SNX9: variants seen among roughly 807,000 people sequenced by gnomAD.
The protein encoded by SNX9 is sorting nexin 9, also known as sorting nexin-9.
Under a neutral mutation model 89.4 loss-of-function variants are expected in SNX9, and 44 were observed. The ratio of observed to expected loss-of-function variants is 0.49; its 90% CI spans 0.39 to 0.63. SNX9 has a LOEUF of 0.63. Ranked by LOEUF, SNX9 falls within the 30% of genes least tolerant of loss-of-function variation. The pLI is 0.00. For missense variants in SNX9, 578 were observed against 736.1 expected (o/e 0.79, Z 2.49); for synonymous variants, 236 against 247.8 (o/e 0.95, Z 0.45).
At chr6:157,849,482 A>G (rs1318233447) in intron 1 of SNX9, among the ~76,000 whole-genome samples, 1 of 152,236 alleles carries the variant, frequency 6.6e-6, no homozygotes, top group Non-Finnish European at 1.5e-5. Flanking sequence ...CTTAGTGTGC[A>G]TGTTCAAAAG....
chr6:157,852,045 C>T (rs1269062943), intron 1 of SNX9, among the ~76,000 whole-genome samples: 1 of 152,144 alleles, frequency 6.6e-6, no homozygotes, highest in African/African-American at 2.4e-5. Flanking sequence ...TGAGTTGCTG[C>T]CACCTTTTGG....
At chr6:157,933,704 C>T (rs1023546072) in intron 13 of SNX9, among the ~76,000 whole-genome samples, 15 of 152,144 alleles carry the variant, frequency 9.9e-5, no homozygotes, top group African/African-American at 3.6e-4. Flanking sequence ...GCCCTTTTAG[C>T]ATGGTGGCTC....
In SNX9 at chr6:157,858,249, T is replaced by G. The variant is rs566983049; in HGVS notation, c.13-9298T>G. Among the ~76,000 whole-genome samples the G allele has an allele frequency of 5.3e-3, 779 of 147,038 alleles. 8 individuals carry two copies. Among genetic ancestry groups the G allele is most frequent in the African/African-American group, 0.02 (749 of 37,728 alleles). The stretch of plus-strand genomic sequence containing the variant: ...CGGAGTCTTTTTTCTTTTTCTTTTT[T>G]CTTTTTTTTTTTTTGAGATGGAGTT... On this transcript the variant is annotated intron_variant, in intron 1 of 17. Coordinates refer to ENST00000392185, the MANE Select transcript of SNX9 (RefSeq NM_016224.5).
intron 1 of SNX9, among the ~76,000 whole-genome samples, chr6:157,837,670 C>T (rs1781612649): frequency 2.0e-5 from 3 of 152,166 alleles, no homozygotes; most frequent in Admixed American, 6.5e-5. Flanking sequence ...GTAAATCTAC[C>T]TCTGAATAAT....
chr6:157,932,399 T>C, intron 13 of SNX9, 127 bp downstream of exon 13: 1 of 791,824 alleles, frequency 1.3e-6, no homozygotes. Flanking sequence ...GTAAATTGGC[T>C]AGGCTGCCGC....
intron 1 of SNX9, among the ~76,000 whole-genome samples, chr6:157,859,280 T>C (rs1208266351): frequency 1.3e-5 from 2 of 152,256 alleles, no homozygotes; most frequent in African/African-American, 4.8e-5. Flanking sequence ...TAATTTCTTG[T>C]TTTATTTAAT....
intron 4 of SNX9, among the ~76,000 whole-genome samples, chr6:157,880,137 T>A (rs569830909): frequency 9.2e-5 from 14 of 152,264 alleles, no homozygotes; most frequent in African/African-American, 3.1e-4. Context: ...GTGGGAAGCA[T>A]GTAAGCTTTG....
At chr6:157,932,792 G>A (rs1311525005) in intron 13 of SNX9, among the ~76,000 whole-genome samples, 2 of 149,088 alleles carry the variant, frequency 1.3e-5, no homozygotes, top group African/African-American at 2.5e-5. Flanking sequence ...ACTTAAGCCC[G>A]GGAGGCAGAG....
chr6:157,878,742 A>G (rs1782567590), intron 4 of SNX9, among the ~76,000 whole-genome samples: 1 of 152,190 alleles, frequency 6.6e-6, no homozygotes, highest in Admixed American at 6.5e-5. Flanking sequence ...CACAAAGTCT[A>G]GTGGCCATTA....
chr6:157,899,225 C>T (rs915020210), intron 5 of SNX9, among the ~76,000 whole-genome samples: 4 of 152,176 alleles, frequency 2.6e-5, no homozygotes, highest in African/African-American at 7.2e-5. Context: ...CTTTTTCTCC[C>T]ACACCCCAAC....
At chr6:157,885,734 C>A (rs1441341940) in intron 4 of SNX9, among the ~76,000 whole-genome samples, 1 of 152,094 alleles carries the variant, frequency 6.6e-6, no homozygotes, top group African/African-American at 2.4e-5. Context: ...GCCTACAGGG[C>A]CCCATCCCAA....
At chr6:157,830,449 T>G (rs770245707) in intron 1 of SNX9, 1 of 152,274 alleles carries the variant, frequency 6.6e-6, no homozygotes, top group Non-Finnish European at 1.5e-5. Context: ...GTGTGACTCC[T>G]CACTGGCTGT....
intron 7 of SNX9, 44 bp from the exon 8 acceptor site, chr6:157,909,621 T>C: frequency 6.2e-7 from 1 of 1,608,608 alleles, no homozygotes; most frequent in Non-Finnish European, 8.5e-7. Context: ...TATTTATTAT[T>C]TTTCCATGTA....
intron 1 of SNX9, among the ~76,000 whole-genome samples, chr6:157,830,783 G>A (rs1029050077): frequency 1.3e-5 from 2 of 152,142 alleles, no homozygotes; most frequent in African/African-American, 4.8e-5. Flanking sequence ...AAAATTCTCA[G>A]CGGTTATTCA....
At chr6:157,939,414 A>G (rs182045629) in intron 16 of SNX9, among the ~76,000 whole-genome samples, 1 of 139,242 alleles carries the variant, frequency 7.2e-6, no homozygotes, top group Admixed American at 6.8e-5. Flanking sequence ...TTAAGAAGCC[A>G]TTAAAAGGGA....
At chr6:157,914,593 C>T (rs1334836913) in intron 9 of SNX9, among the ~76,000 whole-genome samples, 1 of 149,790 alleles carries the variant, frequency 6.7e-6, no homozygotes, top group African/African-American at 2.5e-5. Context: ...CTTCCAGCCT[C>T]AGCCTCCTGA....
chr6:157,921,260 G>T (rs1251093732), intron 9 of SNX9, among the ~76,000 whole-genome samples: 3 of 152,138 alleles, frequency 2.0e-5, no homozygotes, highest in Non-Finnish European at 4.4e-5. Flanking sequence ...GCACCTTGAG[G>T]TTGTCATTAT....
chr6:157,912,436 C>T (rs1029981369), intron 9 of SNX9, among the ~76,000 whole-genome samples: 61 of 152,072 alleles, frequency 4.0e-4, no homozygotes, highest in African/African-American at 1.4e-3. Flanking sequence ...AAAATAAGTT[C>T]GGCATGCAGC....
At chr6:157,909,291 C>G (rs985913263) in intron 7 of SNX9, among the ~76,000 whole-genome samples, 3 of 152,074 alleles carry the variant, frequency 2.0e-5, no homozygotes, top group Non-Finnish European at 4.4e-5. Context: ...TATATTTCAC[C>G]AAACTATTAG....
Sources: allele counts gnomAD v4.1 joint callset (sites outside exome capture counted in the v4.1 genomes callset), GRCh38; gene constraint gnomAD v4.1.1; transcripts MANE v1.5; gene names NCBI Gene and HGNC (gene_info 2026-07-23, HGNC 2026-07-21).